GBX1: variants seen among roughly 807,000 people sequenced by gnomAD.
GBX1 encodes homeobox protein GBX-1.
In GBX1, 9 loss-of-function variants were observed where a neutral mutation model predicts 22.9. The observed-to-expected ratio is 0.39, with a 90% CI of 0.24 to 0.69. The LOEUF (loss-of-function observed/expected upper bound fraction) is 0.69. GBX1 is among the 30% of genes least tolerant of loss of function. The probability of loss-of-function intolerance (pLI) is 0.43; values close to 1 mark genes in which losing one functional copy is unlikely to be tolerated. For synonymous variants in GBX1, 203 were observed against 227.3 expected (o/e 0.89, Z 0.96); for missense variants, 494 against 509.2 (o/e 0.97, Z 0.29).
chr7:151,154,598 A>G (rs1347795331), intron 1 of GBX1, among the ~76,000 whole-genome samples: 1 of 152,228 alleles, frequency 6.6e-6, no homozygotes, highest in Non-Finnish European at 1.5e-5. Flanking sequence ...GGTCATTAGG[A>G]AACAGAGTTC....
At chr7:151,165,086 G>A (rs1801234751) in intron 1 of GBX1, among the ~76,000 whole-genome samples, 1 of 152,132 alleles carries the variant, frequency 6.6e-6, no homozygotes, top group Non-Finnish European at 1.5e-5. Context: ...TTTTCCAGCA[G>A]AGAACCCTCT....
rs1584800804 is a variant in GBX1, at chr7:151,149,130, A to C, written c.551T>G (p.Val184Gly). ...TFPSLPAEGK[V>G]YSSDEEKLEA... Reference sequence around the variant, plus strand: ...CAGCTTCTCCTCATCTGAGCTGTACACCTTCCCCTCTGCTGTGAGGAGCAA... The same window carrying C: ...CAGCTTCTCCTCATCTGAGCTGTACCCCTTCCCCTCTGCTGTGAGGAGCAA... Residue 184 changes from valine to glycine, a missense_variant, in exon 2 of 2, where the codon GTG (valine) becomes GGG (glycine). Coordinates refer to ENST00000297537, the MANE Select transcript of GBX1 (RefSeq NM_001098834.3). The C allele has an allele frequency of 6.2e-7, 1 of 1,605,744 alleles. No homozygotes were observed. The highest frequency in any genetic ancestry group is 8.5e-7 in the Non-Finnish European group (1 of 1,179,686).
chr7:151,165,200 A>G (rs946387567), intron 1 of GBX1, among the ~76,000 whole-genome samples: 1 of 151,826 alleles, frequency 6.6e-6, no homozygotes, highest in African/African-American at 2.4e-5. Context: ...TTCTCTGCTT[A>G]TTCCTCTCTT....
At chr7:151,162,555 A>T (rs1487584457) in intron 1 of GBX1, among the ~76,000 whole-genome samples, 1 of 152,190 alleles carries the variant, frequency 6.6e-6, no homozygotes, top group Non-Finnish European at 1.5e-5. Flanking sequence ...GCATGTCTCA[A>T]GTTTGTCCCA....
At chr7:151,150,968 A>G (rs1479712865) in intron 1 of GBX1, among the ~76,000 whole-genome samples, 2 of 152,132 alleles carry the variant, frequency 1.3e-5, no homozygotes, top group African/African-American at 4.8e-5. Flanking sequence ...CTGGGTTCAT[A>G]CAATCCTCTA....
At chr7:151,162,271 C>A (rs539286969) in intron 1 of GBX1, among the ~76,000 whole-genome samples, 17 of 152,282 alleles carry the variant, frequency 1.1e-4, no homozygotes, top group African/African-American at 3.6e-4. Context: ...TCTCTAATTC[C>A]ACGTCATATT....
intron 1 of GBX1, among the ~76,000 whole-genome samples, chr7:151,163,858 T>C (rs1032292390): frequency 1.3e-5 from 2 of 152,202 alleles, no homozygotes; most frequent in African/African-American, 4.8e-5. Context: ...GCTTCCCACA[T>C]TCCAAACTTG....
At chr7:151,153,164 A>G (rs1460583926) in intron 1 of GBX1, among the ~76,000 whole-genome samples, 1 of 152,230 alleles carries the variant, frequency 6.6e-6, no homozygotes, top group Non-Finnish European at 1.5e-5. Flanking sequence ...AGTCTAGAGA[A>G]GGGAGAGAGA....
At chr7:151,151,920 T>C (rs928188741) in intron 1 of GBX1, among the ~76,000 whole-genome samples, 17 of 152,368 alleles carry the variant, frequency 1.1e-4, no homozygotes, top group African/African-American at 1.9e-4. Flanking sequence ...TTCAGGTCTT[T>C]ATCAGTGACA....
intron 1 of GBX1, chr7:151,149,728 C>G (rs1801056802): frequency 3.0e-6 from 1 of 338,930 alleles, no homozygotes; most frequent in Non-Finnish European, 5.8e-6. Flanking sequence ...CTGACGAGAG[C>G]TGTCTCATGG....
chr7:151,165,938 T>C (rs918205105), intron 1 of GBX1, among the ~76,000 whole-genome samples: 3 of 152,188 alleles, frequency 2.0e-5, no homozygotes, highest in Non-Finnish European at 4.4e-5. Flanking sequence ...TGGGGTCATT[T>C]CCACCTCTAA....
In GBX1 at chr7:151,148,416, T is replaced by C. The variant is rs1851823853; in HGVS notation, c.*173A>G. Among the ~76,000 whole-genome samples the C allele has an allele frequency of 6.6e-6, 1 of 152,114 alleles. No individual in the cohort carries two copies. Among genetic ancestry groups the C allele is most frequent in the South Asian group, 2.1e-4 (1 of 4,826 alleles). ...ACAGGCTCAGGGCCAAGTGCTCACA[T>C]CTCAGGTTCTGGGAGGAGTCTGGGA... On this transcript the variant is annotated 3_prime_UTR_variant, in exon 2 of 2. Coordinates refer to ENST00000297537, the MANE Select transcript of GBX1 (RefSeq NM_001098834.3). This position sits in a 1 kb window ranked among gnomAD's most constrained non-coding sequence, Gnocchi z 5.1.
At chr7:151,156,819 T>C (rs1801140651) in intron 1 of GBX1, among the ~76,000 whole-genome samples, 1 of 151,564 alleles carries the variant, frequency 6.6e-6, no homozygotes, top group Non-Finnish European at 1.5e-5. Flanking sequence ...ACCCTGTTTC[T>C]ACTAAAACTA....
At chr7:151,162,988 T>A (rs1004369395) in intron 1 of GBX1, among the ~76,000 whole-genome samples, 2 of 152,068 alleles carry the variant, frequency 1.3e-5, no homozygotes, top group Admixed American at 1.3e-4. Flanking sequence ...GTATTTTTAG[T>A]AGAGATGGGG....
intron 1 of GBX1, among the ~76,000 whole-genome samples, chr7:151,151,118 T>C (rs1180607160): frequency 6.6e-6 from 1 of 152,212 alleles, no homozygotes; most frequent in Non-Finnish European, 1.5e-5. Context: ...GAAGGTGTTT[T>C]CATCCCTCTC....
rs190431683 is a variant in GBX1, at chr7:151,164,053, A to G, written c.538+2958T>C. On this transcript the variant is annotated intron_variant, in intron 1 of 1. Coordinates refer to ENST00000297537, the MANE Select transcript of GBX1 (RefSeq NM_001098834.3). ...TAACTCTCAACAAATTAAAAAAAAT[A>G]GTCCCTGTAATTCCCAAAGAAAATC... is the stretch of plus-strand genomic sequence containing the variant. 6.4e-4 allele frequency among the ~76,000 whole-genome samples: 98 copies of G among 152,058 alleles called. 1 individual carries two copies. Among genetic ancestry groups the G allele is most frequent in the African/African-American group, 2.3e-3 (94 of 41,400 alleles).
At chr7:151,159,480 A>C (rs539063059) in intron 1 of GBX1, among the ~76,000 whole-genome samples, 1 of 151,946 alleles carries the variant, frequency 6.6e-6, no homozygotes, top group South Asian at 2.1e-4. Context: ...AACCTCTCAG[A>C]CTCCAGCAAT....
At chr7:151,165,004 C>T (rs1801234048) in intron 1 of GBX1, among the ~76,000 whole-genome samples, 1 of 151,654 alleles carries the variant, frequency 6.6e-6, no homozygotes, top group Non-Finnish European at 1.5e-5. Flanking sequence ...CACACACATA[C>T]ACACACACAC....
At chr7:151,154,638 C>T (rs1351194091) in intron 1 of GBX1, among the ~76,000 whole-genome samples, 1 of 152,084 alleles carries the variant, frequency 6.6e-6, no homozygotes, top group African/African-American at 2.4e-5. Flanking sequence ...ATGCTATTAT[C>T]CTAAAAACTA....
Sources: gnomAD v4.1 joint callset for allele counts (sites outside exome capture counted in the v4.1 genomes callset) on GRCh38, gnomAD v4.1.1 for gene constraint, Gnocchi (gnomAD v3.1) non-coding constraint, MANE v1.5 for transcripts, NCBI Gene and HGNC (gene_info 2026-07-23, HGNC 2026-07-21) for gene names.